PALD1: variants seen among roughly 807,000 people sequenced by gnomAD.
PALD1 encodes the protein phosphatase domain containing paladin 1.
A neutral mutation model predicts 96.0 loss-of-function variants in PALD1; 57 were observed. That is an observed-to-expected ratio of 0.59 (90% CI 0.48 to 0.74). The LOEUF (loss-of-function observed/expected upper bound fraction) is 0.74, where lower values mean the gene tolerates loss of function less well. PALD1 is among the 30% of genes least tolerant of loss of function. The pLI is 0.00. For missense variants in PALD1, 1,063 were observed against 1,143.7 expected (o/e 0.93, Z 1.02); for synonymous variants, 464 against 473.6 (o/e 0.98, Z 0.26).
intron 18 of PALD1, among the ~76,000 whole-genome samples, chr10:70,560,941 G>C (rs200687864): frequency 1.2e-4 from 2 of 16,408 alleles, no homozygotes; most frequent in Non-Finnish European, 4.0e-4. Flanking sequence ...TGCTAACATG[G>C]GGGACGGTGT....
intron 18 of PALD1, among the ~76,000 whole-genome samples, chr10:70,552,283 T>C (rs1211315427): frequency 6.6e-6 from 1 of 152,232 alleles, no homozygotes; most frequent in Non-Finnish European, 1.5e-5. Context: ...GGAAGTACTG[T>C]TTCTCATGCT....
intron 18 of PALD1, among the ~76,000 whole-genome samples, chr10:70,559,149 C>T (rs193258193): frequency 4.6e-5 from 7 of 152,156 alleles, no homozygotes; most frequent in Admixed American, 3.3e-4. Context: ...GAGGTGCCGA[C>T]GGGGCGGTAT....
intron 18 of PALD1, among the ~76,000 whole-genome samples, chr10:70,563,077 G>T (rs1298455081): frequency 8.1e-6 from 1 of 123,246 alleles, no homozygotes; most frequent in East Asian, 2.2e-4. Flanking sequence ...CAATCCCGAT[G>T]CCCAGGCTAC....
In PALD1 at chr10:70,539,527, C is replaced by A; in HGVS notation, c.1726-53C>A. ...CATGGCAGGCTGTGGCCTTTCAGGG[C>A]TAGCCTAGAGCCTGCCCCAGTGGCC... is the stretch of plus-strand genomic sequence containing the variant. On this transcript the variant is annotated intron_variant, in intron 14 of 19. Coordinates refer to ENST00000263563, the MANE Select transcript of PALD1 (RefSeq NM_014431.3). The surrounding 1 kb of genome is among the most constrained non-coding windows in gnomAD (Gnocchi z 4.5). The A allele has an allele frequency of 6.7e-7, 1 of 1,485,676 alleles. No individual in the cohort carries two copies. The allele number at this position is 1,485,676 out of a possible 1,614,324, so 92.0% of individuals were successfully genotyped here. A position where few individuals can be genotyped will look rare whatever the true frequency, so the allele number is the denominator to read the frequency against.
intron 18 of PALD1, among the ~76,000 whole-genome samples, chr10:70,561,752 C>G (rs116305043): frequency 6.6e-6 from 1 of 152,136 alleles, no homozygotes; most frequent in Non-Finnish European, 1.5e-5. Flanking sequence ...ATGAGCTCCT[C>G]CCACTCTGCC....
the PALD1 span, among the ~76,000 whole-genome samples, chr10:70,466,090 C>A: frequency 1.5e-4 from 23 of 152,286 alleles, no homozygotes; most frequent in African/African-American, 5.3e-4. Context: ...CCTCCACATG[C>A]TGGTCTTCCT....
At position 70,564,417 on chromosome 10, in the gene PALD1, G is replaced by T. The variant is rs756358895; in HGVS notation, c.2316G>T (p.Leu772=). The T allele has an allele frequency of 2.5e-6, 4 of 1,614,012 alleles. No individual in the cohort carries two copies. Among genetic ancestry groups the T allele is most frequent in the Non-Finnish European group, 3.4e-6 (4 of 1,179,988 alleles). Residue 772 remains leucine (L), a synonymous_variant, in exon 19 of 20, where the codon CTG becomes CTT. Coordinates refer to ENST00000263563, the MANE Select transcript of PALD1 (RefSeq NM_014431.3). ...QEMRRLQLRS[L]QYLERYVCLI... is the part of the protein sequence containing the mutation. Reference sequence around the variant, plus strand: ...TGCGGAGGCTGCAGCTGCGGAGCCTGCAGTACTTGGAGCGCTATGTCTGCC... The same window carrying T: ...TGCGGAGGCTGCAGCTGCGGAGCCTTCAGTACTTGGAGCGCTATGTCTGCC...
chr10:70,537,996 AC>A, intron 11 of PALD1, 90 bp downstream of exon 11: 2 of 1,007,062 alleles, frequency 2.0e-6, no homozygotes, highest in Non-Finnish European at 1.5e-6. Context: ...GTGGAGGGAG[AC>A]CCCCCAAGGA....
chr10:70,566,539 C>T, intron 19 of PALD1, 42 bp from the exon 20 acceptor site: 1 of 1,528,178 alleles, frequency 6.5e-7, no homozygotes. Flanking sequence ...GTGGCACCCT[C>T]CCTCCCCTGA....
At chr10:70,512,390 A>G (rs1846531573) in intron 1 of PALD1, among the ~76,000 whole-genome samples, 1 of 152,244 alleles carries the variant, frequency 6.6e-6, no homozygotes, top group Non-Finnish European at 1.5e-5. Flanking sequence ...CAATGGGGAC[A>G]TCAGTCCTGC....
chr10:70,526,031 T>G lies in PALD1; in HGVS notation c.80T>G (p.Met27Arg), dbSNP rs1392552830. ...PFEGLQGSGT[M>R]DSRHSVSIHS... ...GAGGGCCTACAGGGCAGTGGCACGATGGACAGTCGGCACTCCGTCAGCATC... is the reference window on the plus strand; with the variant it reads ...GAGGGCCTACAGGGCAGTGGCACGAGGGACAGTCGGCACTCCGTCAGCATC... The change falls in exon 2 of 20, where the codon ATG (methionine) becomes AGG (arginine). Residue 27 changes from methionine (M) to arginine (R), a missense_variant. Coordinates refer to ENST00000263563, the MANE Select transcript of PALD1 (RefSeq NM_014431.3). 2.5e-6 allele frequency: 4 copies of G among 1,614,076 alleles called. No homozygotes were observed. The highest frequency in any genetic ancestry group is 3.4e-6 in the Non-Finnish European group (4 of 1,180,032).
chr10:70,538,020 AG>A, intron 11 of PALD1, 114 bp downstream of exon 11: 1 of 858,666 alleles, frequency 1.2e-6, no homozygotes, highest in Admixed American at 2.1e-5. Flanking sequence ...CGGGGAGGGA[AG>A]GGAGGCCAGG....
rs1847191645 is a variant in PALD1 at position 70,539,450 on chromosome 10, C to T, written c.1726-130C>T. 9.4e-7 allele frequency: 1 copy of T among 1,068,526 alleles called. No individual in the cohort carries two copies. The highest frequency in any genetic ancestry group is 1.3e-6 in the Non-Finnish European group (1 of 761,596). The allele number at this position is 1,068,526 out of a possible 1,614,324, so 66.2% of individuals were successfully genotyped here. On this transcript the variant is annotated intron_variant, in intron 14 of 19. Transcript: ENST00000263563. The surrounding 1 kb of genome is among the most constrained non-coding windows in gnomAD (Gnocchi z 4.5). ...TGGCTTTGGGGGGTGGCTGTGACCC[C>T]TGAGGCTTGGGGGGGTCAGGGATGG...
intron 1 of PALD1, among the ~76,000 whole-genome samples, chr10:70,523,246 G>A (rs1189358297): frequency 6.6e-6 from 1 of 152,204 alleles, no homozygotes; most frequent in African/African-American, 2.4e-5. Flanking sequence ...GGGCAGGCAG[G>A]GGAGGAGAGG....
At chr10:70,524,987 A>T (rs1564696439) in intron 1 of PALD1, among the ~76,000 whole-genome samples, 1 of 151,984 alleles carries the variant, frequency 6.6e-6, no homozygotes, top group African/African-American at 2.4e-5. Flanking sequence ...GAGGATATAG[A>T]TGTTGATTCA....
the PALD1 span, among the ~76,000 whole-genome samples, chr10:70,464,783 G>T: frequency 6.7e-6 from 1 of 149,934 alleles, no homozygotes; most frequent in Admixed American, 6.7e-5. Flanking sequence ...ATACCACCAC[G>T]CCCGGCTAAT....
intron 17 of PALD1, 68 bp downstream of exon 17, chr10:70,541,602 G>C: frequency 8.7e-7 from 1 of 1,155,352 alleles, no homozygotes; most frequent in East Asian, 2.5e-5. Flanking sequence ...CCTGCTTGCC[G>C]GTCTAGGGGT....
At chr10:70,466,494 C>T in the PALD1 span, among the ~76,000 whole-genome samples, 1 of 152,170 alleles carries the variant, frequency 6.6e-6, no homozygotes, top group South Asian at 2.1e-4. Flanking sequence ...CTGCCCATCT[C>T]AGCTTCCCAA....
chr10:70,562,322 G>A (rs1847757095), intron 18 of PALD1, among the ~76,000 whole-genome samples: 1 of 152,132 alleles, frequency 6.6e-6, no homozygotes, highest in Non-Finnish European at 1.5e-5. Flanking sequence ...GGCTTTGCAA[G>A]TTACCATCTA....
Sources: allele counts gnomAD v4.1 joint callset (sites outside exome capture counted in the v4.1 genomes callset), GRCh38; gene constraint gnomAD v4.1.1; non-coding constraint Gnocchi (gnomAD v3.1); transcripts MANE v1.5; gene names NCBI Gene and HGNC (gene_info 2026-07-23, HGNC 2026-07-21).